GALC: variants seen among roughly 807,000 people sequenced by gnomAD.
GALC encodes the protein galactocerebrosidase.
GALC carries 77 observed loss-of-function variants against 91.8 expected under a neutral mutation model. The ratio of observed to expected loss-of-function variants is 0.84; its 90% CI spans 0.70 to 1.01. The LOEUF (loss-of-function observed/expected upper bound fraction) is 1.01, where lower values mean the gene tolerates loss of function less well. GALC is among the 50% of genes least tolerant of loss of function. GALC has a pLI of 0.00. For synonymous variants in GALC, 357 were observed against 306.7 expected (o/e 1.16, Z -1.71); for missense variants, 882 against 855.9 (o/e 1.03, Z -0.38).
At chr14:87,936,126 A>C (rs1884556178) in intron 16 of GALC, among the ~76,000 whole-genome samples, 1 of 151,938 alleles carries the variant, frequency 6.6e-6, no homozygotes. Flanking sequence ...AATGTCAGCT[A>C]CACCTGCCTT....
At position 87,993,156 on chromosome 14, in the gene GALC, C is replaced by G. The variant is rs1887306077; in HGVS notation, c.9G>C (p.Glu3Asp). 1 of 1,591,236 alleles carries G rather than the reference C, an allele frequency of 6.3e-7. No individual in the cohort carries two copies. Among genetic ancestry groups the G allele is most frequent in the African/African-American group, 1.3e-5 (1 of 74,800 alleles). The part of the protein sequence containing the change: MA[E>D]WLLSASWQRR... ...GTTGCCAGGAAGCCGAGAGTAGCCA[C>G]TCAGCCATTGTGTGGGTCACATGAC... The change falls in exon 1 of 17, where the codon GAG becomes GAC. Residue 3 changes from glutamate (E) to aspartate (D), a missense_variant. Transcript: ENST00000261304.
upstream of GALC, chr14:87,993,433 G>A: frequency 6.5e-7 from 1 of 1,535,868 alleles, no homozygotes; most frequent in Middle Eastern, 1.7e-4. Context: ...ACGCAGGGAA[G>A]GTGGATTCCA....
In GALC at chr14:87,954,949, C is replaced by G. The variant is rs1885461869; in HGVS notation, c.1162-4201G>C. The stretch of plus-strand genomic sequence containing the variant: ...TGTTTACATCCGTGTAGACTCAAAG[C>G]TGATAGAGAAGATTCTTCTCAACAT... On this transcript the variant is annotated intron_variant, in intron 10 of 16. Coordinates refer to ENST00000261304, the MANE Select transcript of GALC (RefSeq NM_000153.4). 8.0e-6 allele frequency: 12 copies of G among 1,490,812 alleles called. No homozygotes were observed. The South Asian group carries it at 1.4e-4, about 17-fold the overall frequency. 92.3% of individuals were successfully genotyped at this position (1,490,812 alleles called of 1,614,324 possible).
At chr14:87,950,023 G>T in intron 11 of GALC, 92 bp from the exon 12 acceptor site, 1 of 729,706 alleles carries the variant, frequency 1.4e-6, no homozygotes, top group South Asian at 1.5e-5. Context: ...ATGTACCAAT[G>T]ACAATATTAT....
chr14:87,963,232 A>C, intron 10 of GALC, 152 bp downstream of exon 10: 1 of 742,520 alleles, frequency 1.3e-6, no homozygotes, highest in African/African-American at 1.8e-5. Context: ...TTTACGACTC[A>C]TGGCTAAAAT....
intron 13 of GALC, among the ~76,000 whole-genome samples, chr14:87,946,578 C>T (rs1055371126): frequency 2.0e-5 from 3 of 147,536 alleles, no homozygotes; most frequent in South Asian, 4.4e-4. Flanking sequence ...TTGAAATTGC[C>T]TCTTAGTCTT....
intron 10 of GALC, among the ~76,000 whole-genome samples, chr14:87,960,286 C>G (rs1047853122): frequency 6.6e-6 from 1 of 152,098 alleles, no homozygotes; most frequent in Non-Finnish European, 1.5e-5. Context: ...AGGAAGAGGT[C>G]GGTCAACAGG....
At chr14:87,952,835 A>C in intron 10 of GALC, 1 of 1,304,488 alleles carries the variant, frequency 7.7e-7, no homozygotes, top group Non-Finnish European at 1.1e-6. Context: ...TGAGTGAGGT[A>C]ACGAGCTCTA....
intron 10 of GALC, chr14:87,955,276 G>A (rs1261165009): frequency 1.7e-5 from 12 of 725,962 alleles, no homozygotes; most frequent in South Asian, 1.1e-4. Context: ...GTAAATAAAC[G>A]ATAGGGTTTT....
chr14:87,947,599 A>G, intron 13 of GALC, 129 bp downstream of exon 13: 1 of 869,684 alleles, frequency 1.1e-6, no homozygotes. Flanking sequence ...TTTACCGCAT[A>G]TGAGATGTAG....
Position 87,986,453 on chromosome 14 carries a change from A to C in GALC, c.442+36T>G, listed in dbSNP as rs140065772. ...TTCAGAATTTAAAAGTTAAAGGAAA[A>C]GAGACTGAAGAAACATTGCAAACTT... On this transcript the variant is annotated intron_variant, in intron 4 of 16. Transcript: ENST00000261304. 7.6e-4 allele frequency: 965 copies of C among 1,273,376 alleles called. 1 individual carries two copies. In the African/African-American group the frequency reaches 0.01, roughly 13 times the overall value. The allele number at this position is 1,273,376 out of a possible 1,614,324, so 78.9% of individuals were successfully genotyped here. A position where few individuals can be genotyped will look rare whatever the true frequency, so the allele number is the denominator to read the frequency against.
intron 10 of GALC, among the ~76,000 whole-genome samples, chr14:87,961,693 C>G (rs913264078): frequency 6.6e-6 from 1 of 152,100 alleles, no homozygotes; most frequent in African/African-American, 2.4e-5. Flanking sequence ...CCCTATTTTC[C>G]TTATCTCTGA....
At chr14:87,937,927 T>TA (rs35520077) in intron 16 of GALC, among the ~76,000 whole-genome samples, 103 of 148,198 alleles carry the variant, frequency 7.0e-4, no homozygotes, top group Middle Eastern at 3.4e-3. Flanking sequence ...ACATTATTGT[T>TA]AAAAAAAAAA....
chr14:87,969,241 A>G (rs1190438021), intron 7 of GALC, among the ~76,000 whole-genome samples: 1 of 152,142 alleles, frequency 6.6e-6, no homozygotes, highest in Admixed American at 6.6e-5. Flanking sequence ...GCATCTAGAG[A>G]AGAGAGGCCA....
chr14:87,993,197 G>A (rs1887311741), upstream of GALC: 4 of 1,560,404 alleles, frequency 2.6e-6, no homozygotes, highest in Non-Finnish European at 3.5e-6. Context: ...CGCCCAGGGA[G>A]GCGGGTCCCG....
Position 87,934,399 on chromosome 14 carries a change from C to T in GALC, c.*333G>A. On this transcript the variant is annotated 3_prime_UTR_variant, in exon 17 of 17. Transcript: ENST00000261304. The stretch of plus-strand genomic sequence containing the variant: ...TTACTGCCATCTACAGGACCGCTTG[C>T]AAATAAGATGAAGAGAGCTACCTCA... The T allele has an allele frequency of 1.6e-6, 2 of 1,271,552 alleles. No individual in the cohort carries two copies. The highest frequency in any genetic ancestry group is 2.0e-6 in the Non-Finnish European group (2 of 1,001,002). The allele number at this position is 1,271,552 out of a possible 1,614,324, so 78.8% of individuals were successfully genotyped here. A position where few individuals can be genotyped will look rare whatever the true frequency, so the allele number is the denominator to read the frequency against.
At chr14:87,983,649 C>A (rs1409126457) in intron 5 of GALC, among the ~76,000 whole-genome samples, 1 of 152,160 alleles carries the variant, frequency 6.6e-6, no homozygotes, top group African/African-American at 2.4e-5. Context: ...TATTAATAAG[C>A]AAATGATTAT....
rs767690197 is a variant in GALC, at chr14:87,941,386, G to C, written c.1834+9C>G. 2 of 1,492,036 alleles carry C rather than the reference G, an allele frequency of 1.3e-6. No homozygotes were observed. Among genetic ancestry groups the C allele is most frequent in the South Asian group, 2.4e-5 (2 of 82,512 alleles). 92.4% of individuals were successfully genotyped at this position (1,492,036 alleles called of 1,614,324 possible). A position where few individuals can be genotyped will look rare whatever the true frequency, so the allele number is the denominator to read the frequency against. ...TCATATGCTATTAAAAAAAAAAAAAGTCAGTTACCTAAATCACCTGTAACC... is the reference window on the plus strand; with the variant it reads ...TCATATGCTATTAAAAAAAAAAAAACTCAGTTACCTAAATCACCTGTAACC... On this transcript the variant is annotated intron_variant, in intron 15 of 16. Transcript: ENST00000261304.
At chr14:87,985,003 C>T (rs763772074) in intron 4 of GALC, among the ~76,000 whole-genome samples, 1 of 152,118 alleles carries the variant, frequency 6.6e-6, no homozygotes, top group Non-Finnish European at 1.5e-5. Context: ...AATTTAGGGT[C>T]CTTAAAATAT....
Sources: gnomAD v4.1 joint callset for allele counts (sites outside exome capture counted in the v4.1 genomes callset) on GRCh38, gnomAD v4.1.1 for gene constraint, MANE v1.5 for transcripts, NCBI Gene and HGNC (gene_info 2026-07-23, HGNC 2026-07-21) for gene names.